CD109: variants seen among roughly 807,000 people sequenced by gnomAD.
CD109 encodes the protein CD109 antigen.
In CD109, 149 loss-of-function variants were observed where a neutral mutation model predicts 165.8. That is an observed-to-expected ratio of 0.90 (90% confidence interval 0.79 to 1.03). The LOEUF (loss-of-function observed/expected upper bound fraction) is 1.03. Ranked by LOEUF, CD109 falls within the 50% of genes least tolerant of loss-of-function variation. The pLI, the probability that CD109 is intolerant of heterozygous loss-of-function variation, is 0.00. For synonymous variants in CD109, 585 were observed against 592.1 expected, an observed-to-expected ratio of 0.99 and a Z score of 0.18; for missense variants, 1,712 against 1,677.8, an observed-to-expected ratio of 1.02 and a Z score of -0.36.
chr6:73,817,749 G>A (rs1775987977), intron 30 of CD109, among the ~76,000 whole-genome samples: 1 of 152,042 alleles, frequency 6.6e-6, no homozygotes, highest in Admixed American at 6.6e-5. Flanking sequence ...ATCCTTTGAT[G>A]CTCACATCAC....
upstream of CD109, among the ~76,000 whole-genome samples, chr6:73,693,513 A>G (rs577370785): frequency 6.6e-6 from 1 of 152,338 alleles, no homozygotes; most frequent in East Asian, 1.9e-4. Context: ...CATCCAAATG[A>G]CAGCAAACCC....
intron 3 of CD109, among the ~76,000 whole-genome samples, chr6:73,723,937 C>T (rs967695212): frequency 2.0e-5 from 3 of 152,138 alleles, no homozygotes; most frequent in African/African-American, 7.2e-5. Context: ...TTTGCTCCTG[C>T]TTCTGTCGTA....
chr6:73,724,613 A>ATT lies in CD109; in HGVS notation c.276+1352_276+1353dup, dbSNP rs11386114. 4.0e-3 allele frequency among the ~76,000 whole-genome samples: 534 copies of ATT among 135,128 alleles called. 3 individuals carry two copies. Among genetic ancestry groups the ATT allele is most frequent in the Admixed American group, 4.9e-3 (64 of 13,122 alleles). The allele number at this position is 135,128 out of a possible 152,430, so 88.6% of individuals were successfully genotyped here. A position where few individuals can be genotyped will look rare whatever the true frequency, so the allele number is the denominator to read the frequency against. ...AAGCCAGGTTCGCTCATTACCTTAA[A>ATT]TTTTTTTTTTTTTTTTTTTGAGACA... On this transcript the variant is annotated intron_variant, in intron 3 of 32. Coordinates refer to ENST00000287097, the MANE Select transcript of CD109 (RefSeq NM_133493.5).
chr6:73,701,056 C>G (rs1024883571), intron 2 of CD109, among the ~76,000 whole-genome samples: 12 of 150,470 alleles, frequency 8.0e-5, no homozygotes, highest in African/African-American at 2.4e-4. Flanking sequence ...CTGCCTCGGC[C>G]TCCCAAAGTG....
At chr6:73,737,513 A>T (rs1301461559) in intron 5 of CD109, among the ~76,000 whole-genome samples, 4 of 152,246 alleles carry the variant, frequency 2.6e-5, no homozygotes, top group African/African-American at 9.6e-5. Context: ...AGGCAATATT[A>T]TGAAAGGGGC....
intron 5 of CD109, among the ~76,000 whole-genome samples, chr6:73,751,022 C>A (rs80281568): frequency 6.6e-6 from 1 of 152,124 alleles, no homozygotes; most frequent in South Asian, 2.1e-4. Flanking sequence ...TTCTCCAGCT[C>A]GGGTCTTCTT....
intron 4 of CD109, among the ~76,000 whole-genome samples, chr6:73,733,771 G>A (rs543105463): frequency 6.6e-6 from 1 of 152,322 alleles, no homozygotes; most frequent in South Asian, 2.1e-4. Flanking sequence ...AGGTGAAGAA[G>A]CTACCTTATT....
intron 2 of CD109, among the ~76,000 whole-genome samples, chr6:73,702,627 G>A (rs142394018): frequency 6.6e-6 from 1 of 152,278 alleles, no homozygotes; most frequent in African/African-American, 2.4e-5. Context: ...GCATAATCAC[G>A]ATGTGCCTGG....
At chr6:73,698,436 T>C (rs12661029) in intron 2 of CD109, among the ~76,000 whole-genome samples, 5,151 of 152,188 alleles carry the variant, frequency 0.034, 107 homozygotes, top group Middle Eastern at 0.11. Flanking sequence ...CCACCCACCT[T>C]GGCCTCCCAA....
intron 13 of CD109, among the ~76,000 whole-genome samples, chr6:73,767,407 A>G (rs780257737): frequency 1.3e-5 from 2 of 152,168 alleles, no homozygotes; most frequent in Non-Finnish European, 2.9e-5. Context: ...TTATAGCTGC[A>G]TAGTATTCCG....
chr6:73,774,337 TGAGGG>T (rs1335685470), intron 15 of CD109, among the ~76,000 whole-genome samples: 1 of 152,206 alleles, frequency 6.6e-6, no homozygotes, highest in Non-Finnish European at 1.5e-5. Context: ...GACCCCTTCC[TGAGGG>T]GAGAGGACTA....
At chr6:73,753,521 T>C (rs1417823774) in intron 5 of CD109, among the ~76,000 whole-genome samples, 3 of 152,224 alleles carry the variant, frequency 2.0e-5, no homozygotes, top group African/African-American at 7.2e-5. Flanking sequence ...AATAATTTAT[T>C]TCTTGATTTG....
intron 2 of CD109, among the ~76,000 whole-genome samples, chr6:73,718,076 G>C (rs1771811641): frequency 6.6e-6 from 1 of 151,968 alleles, no homozygotes; most frequent in African/African-American, 2.4e-5. Context: ...TTGGGAGGTG[G>C]AGGAGGGCCA....
At chr6:73,813,787 TG>T (rs901423017) in intron 29 of CD109, among the ~76,000 whole-genome samples, 6 of 152,148 alleles carry the variant, frequency 3.9e-5, no homozygotes, top group Admixed American at 3.9e-4. Context: ...TACTTAGTTA[TG>T]GATGGGCATT....
intron 13 of CD109, 106 bp from the exon 14 acceptor site, chr6:73,767,949 T>C: frequency 1.1e-6 from 1 of 938,544 alleles, no homozygotes; most frequent in East Asian, 2.5e-5. Flanking sequence ...TGAAGCTGGT[T>C]TAATTCAAGA....
At chr6:73,765,440 T>C (rs917832182) in intron 10 of CD109, among the ~76,000 whole-genome samples, 8 of 152,166 alleles carry the variant, frequency 5.3e-5, no homozygotes, top group Non-Finnish European at 1.2e-4. Context: ...TTGCTCATTT[T>C]AGATATGTGA....
chr6:73,775,936 G>C (rs1019681263), intron 15 of CD109, among the ~76,000 whole-genome samples: 1 of 152,178 alleles, frequency 6.6e-6, no homozygotes, highest in African/African-American at 2.4e-5. Context: ...CATTTAGTTT[G>C]ATTCCATGTC....
At chr6:73,802,411 G>T (rs1342697100) in intron 23 of CD109, among the ~76,000 whole-genome samples, 1 of 148,090 alleles carries the variant, frequency 6.8e-6, no homozygotes, top group African/African-American at 2.5e-5. Context: ...AAATTTAAGA[G>T]CCACCGTTTT....
In CD109 at chr6:73,810,102, T is replaced by C. The variant is rs982462683; in HGVS notation, c.3474T>C (p.Thr1158=). 6 of 1,609,572 alleles carry C rather than the reference T, an allele frequency of 3.7e-6. No homozygotes were observed. The highest frequency in any genetic ancestry group is 1.3e-5 in the African/African-American group (1 of 74,662). ...TCTCACACTTCTTACAATTTCAGAC[T>C]TCTGAGGGAATCCCAATTATGAGGT... ...ALLSHFLQFQ[T]SEGIPIMRWL... is the part of the protein sequence containing the mutation. The change falls in exon 27 of 33, where the codon ACT becomes ACC. Residue 1158 remains threonine (T), a synonymous_variant. Transcript: ENST00000287097.
Sources: allele counts gnomAD v4.1 joint callset (sites outside exome capture counted in the v4.1 genomes callset), GRCh38; gene constraint gnomAD v4.1.1; transcripts MANE v1.5; gene names NCBI Gene and HGNC (gene_info 2026-07-23, HGNC 2026-07-21).